Variants in OSBPL10 observed in about 807,000 individuals in gnomAD.
OSBPL10 encodes the protein oxysterol binding protein like 10, also known as oxysterol-binding protein-related protein 10.
Under a neutral mutation model 81.7 loss-of-function variants are expected in OSBPL10, and 49 were observed. That is an observed-to-expected ratio of 0.60 (90% CI 0.48 to 0.76). The LOEUF is 0.76. Ranked by LOEUF, OSBPL10 falls within the 30% of genes least tolerant of loss-of-function variation. OSBPL10 has a pLI of 0.00. For synonymous variants in OSBPL10, 419 were observed against 383.6 expected (o/e 1.09, Z -1.08); for missense variants, 923 against 987.8 (o/e 0.93, Z 0.88).
At chr3:31,921,230 C>T (rs566876605) in intron 1 of OSBPL10, among the ~76,000 whole-genome samples, 10 of 152,118 alleles carry the variant, frequency 6.6e-5, no homozygotes, top group Non-Finnish European at 1.3e-4. Flanking sequence ...CACCTTAGTA[C>T]ACACATGTAC....
At chr3:31,985,033 G>A (rs760108567), upstream of OSBPL10, among the ~76,000 whole-genome samples, 15 of 152,198 alleles carry the variant, frequency 9.9e-5, no homozygotes, top group Admixed American at 3.3e-4. Context: ...GAGGTCAGGC[G>A]TTCAAGACCA....
chr3:31,693,507 AATG>A (rs1437357169), intron 7 of OSBPL10, among the ~76,000 whole-genome samples: 44 of 152,358 alleles, frequency 2.9e-4, no homozygotes, highest in African/African-American at 8.2e-4. Context: ...GTACACAGGT[AATG>A]ATGTCATTTT....
chr3:32,051,024 G>C (rs895571104), intron 1 of OSBPL10, among the ~76,000 whole-genome samples: 1 of 152,140 alleles, frequency 6.6e-6, no homozygotes, highest in African/African-American at 2.4e-5. Context: ...GGATATCCAA[G>C]CTATACATAT....
chr3:32,033,585 G>C (rs1699491017), intron 2 of OSBPL10, among the ~76,000 whole-genome samples: 1 of 152,132 alleles, frequency 6.6e-6, no homozygotes, highest in Non-Finnish European at 1.5e-5. Context: ...AACTTCCCTA[G>C]ACTGTGTAAA....
intron 4 of OSBPL10, among the ~76,000 whole-genome samples, chr3:31,773,140 T>G (rs1237182239): frequency 6.6e-6 from 1 of 152,210 alleles, no homozygotes; most frequent in East Asian, 1.9e-4. Context: ...AAGTTTCATA[T>G]GCACTATAGA....
At chr3:31,964,816 AAAGT>A (rs1467804727) in intron 1 of OSBPL10, among the ~76,000 whole-genome samples, 10 of 152,308 alleles carry the variant, frequency 6.6e-5, no homozygotes, top group African/African-American at 2.4e-4. Context: ...ATTAAATGTA[AAAGT>A]AAGTTAGTCT....
intron 1 of OSBPL10, among the ~76,000 whole-genome samples, chr3:31,923,785 T>C (rs921039177): frequency 1.3e-5 from 2 of 152,166 alleles, no homozygotes; most frequent in African/African-American, 4.8e-5. Context: ...AGATCCTGTC[T>C]CTAAAAGACA....
chr3:31,855,624 G>C (rs1700890320), intron 3 of OSBPL10, among the ~76,000 whole-genome samples: 1 of 152,122 alleles, frequency 6.6e-6, no homozygotes, highest in Non-Finnish European at 1.5e-5. Context: ...ATGGTACACA[G>C]ACATGCAGTG....
In OSBPL10 at chr3:31,886,579, C is replaced by T. The variant is rs140951355; in HGVS notation, c.282-6749G>A. Among the ~76,000 whole-genome samples the T allele has an allele frequency of 9.2e-5, 14 of 152,310 alleles. No individual in the cohort carries two copies. In the East Asian group the frequency reaches 2.5e-3, roughly 27 times the overall value. On this transcript the variant is annotated intron_variant, in intron 1 of 11. Transcript: ENST00000396556. ...AAACTGCTGGACTGCATGAACGGGG[C>T]CTGTGAACAGACTTCTGCACCCTGT...
At chr3:31,879,576 AC>A (rs1412810619) in intron 2 of OSBPL10, 78 bp downstream of exon 2, 295 of 1,453,982 alleles carry the variant, frequency 2.0e-4, no homozygotes, top group Non-Finnish European at 2.5e-4. Context: ...ATTTAAAAAA[AC>A]AAAAAATCAA....
At chr3:31,787,819 A>G (rs1698897836) in intron 4 of OSBPL10, among the ~76,000 whole-genome samples, 1 of 152,192 alleles carries the variant, frequency 6.6e-6, no homozygotes, top group African/African-American at 2.4e-5. Flanking sequence ...AATTTCCAAA[A>G]TAAGGATTTT....
chr3:32,026,649 A>G (rs1336618274), intron 2 of OSBPL10, among the ~76,000 whole-genome samples: 1 of 152,212 alleles, frequency 6.6e-6, no homozygotes, highest in Non-Finnish European at 1.5e-5. Context: ...TAATATCTGC[A>G]TTACCTTTTG....
At chr3:31,901,903 A>G (rs1340599452) in intron 1 of OSBPL10, among the ~76,000 whole-genome samples, 1 of 152,084 alleles carries the variant, frequency 6.6e-6, no homozygotes, top group Non-Finnish European at 1.5e-5. Flanking sequence ...GGTGCCGCGC[A>G]CCTGTGGTCC....
intron 3 of OSBPL10, among the ~76,000 whole-genome samples, chr3:31,872,458 T>G (rs927637496): frequency 2.4e-4 from 36 of 151,802 alleles, no homozygotes; most frequent in East Asian, 5.8e-4. Flanking sequence ...TGTTGTTTTT[T>G]TTTTTTTTTT....
At chr3:32,007,634 G>A (rs1002791661) in intron 2 of OSBPL10, among the ~76,000 whole-genome samples, 1 of 151,966 alleles carries the variant, frequency 6.6e-6, no homozygotes, top group African/African-American at 2.4e-5. Context: ...CTCTTATACG[G>A]ACACTAATGA....
intron 5 of OSBPL10, among the ~76,000 whole-genome samples, chr3:31,738,281 T>C (rs1216165167): frequency 1.3e-5 from 2 of 151,468 alleles, no homozygotes; most frequent in East Asian, 1.9e-4. Context: ...GTAGACAGAA[T>C]AGTATAATGA....
chr3:31,749,414 T>A (rs1386331865), intron 4 of OSBPL10, among the ~76,000 whole-genome samples: 3 of 152,224 alleles, frequency 2.0e-5, no homozygotes, highest in Admixed American at 6.5e-5. Flanking sequence ...CCATGCAAAT[T>A]GTTTTTTTGC....
At position 32,049,626 on chromosome 3, in the gene OSBPL10, A is replaced by C. The variant is rs182168950; in HGVS notation, n.186-3023T>G. On this transcript the variant is annotated intron_variant and non_coding_transcript_variant, in intron 1 of 3. Transcript: ENST00000479173. ...CTCTCAGTAAAGTCCCCCTTGCTTA[A>C]AAATGGATTTGGCACTATGAGTTCT... is the stretch of plus-strand genomic sequence containing the variant. Among the ~76,000 whole-genome samples, 4 of 152,340 alleles carry C rather than the reference A, an allele frequency of 2.6e-5. No homozygotes were observed. In the East Asian group the frequency reaches 7.7e-4, roughly 29 times the overall value.
At chr3:31,920,460 G>A (rs1696879338) in intron 1 of OSBPL10, among the ~76,000 whole-genome samples, 1 of 152,176 alleles carries the variant, frequency 6.6e-6, no homozygotes, top group East Asian at 1.9e-4. Flanking sequence ...AGTGGCATCT[G>A]TAAGAGTAAA....
Sources: allele counts gnomAD v4.1 joint callset (sites outside exome capture counted in the v4.1 genomes callset), GRCh38; gene constraint gnomAD v4.1.1; transcripts MANE v1.5; gene names NCBI Gene and HGNC (gene_info 2026-07-23, HGNC 2026-07-21).